ATXN2: variants seen among roughly 807,000 people sequenced by gnomAD.
The protein encoded by ATXN2 is ataxin-2.
ATXN2 carries 37 observed loss-of-function variants against 138.6 expected under a neutral mutation model. The ratio of observed to expected loss-of-function variants is 0.27; its 90% confidence interval spans 0.21 to 0.35. The LOEUF is 0.35. ATXN2 is among the 10% of genes least tolerant of loss of function. The probability of loss-of-function intolerance (pLI) is 1.00; values close to 1 mark genes in which losing one functional copy is unlikely to be tolerated. For missense variants in ATXN2, 1,216 were observed against 1,480.3 expected, an observed-to-expected ratio of 0.82 and a Z score of 2.93; for synonymous variants, 549 against 543.7, an observed-to-expected ratio of 1.01 and a Z score of -0.13.
At chr12:111,520,779 A>T in intron 7 of ATXN2, 103 bp downstream of exon 7, 1 of 637,604 alleles carries the variant, frequency 1.6e-6, no homozygotes, top group Non-Finnish European at 2.5e-6. Context: ...TATTTCATGT[A>T]ATTGTTTAAC....
At chr12:111,562,720 CAA>C (rs34625134) in intron 1 of ATXN2, among the ~76,000 whole-genome samples, 998 of 55,944 alleles carry the variant, frequency 0.018, 11 homozygotes, top group African/African-American at 0.049. Flanking sequence ...AACTCCATCT[CAA>C]AAAAAAAAAA....
chr12:111,563,193 G>C (rs1163449079), intron 1 of ATXN2, among the ~76,000 whole-genome samples: 1 of 152,032 alleles, frequency 6.6e-6, no homozygotes, highest in African/African-American at 2.4e-5. Context: ...AAACTGCTTT[G>C]GATTAAAGGA....
chr12:111,525,510 C>G (rs1016375229), intron 5 of ATXN2, among the ~76,000 whole-genome samples, 194 bp from the exon 6 acceptor site: 2 of 152,068 alleles, frequency 1.3e-5, no homozygotes, highest in Non-Finnish European at 2.9e-5. Context: ...GACCAATGCA[C>G]TATAATAAAG....
intron 14 of ATXN2, among the ~76,000 whole-genome samples, chr12:111,507,860 C>T (rs201587601): frequency 3.3e-5 from 5 of 152,216 alleles, no homozygotes; most frequent in Non-Finnish European, 5.9e-5. Flanking sequence ...TATGACCTTA[C>T]CCCCAACCCT....
At chr12:111,510,830 G>A (rs1209091726) in intron 11 of ATXN2, 4 of 280,432 alleles carry the variant, frequency 1.4e-5, no homozygotes, top group Non-Finnish European at 2.7e-5. Context: ...TGTATCAAGT[G>A]ATTCTCCTGC....
At chr12:111,517,236 CTT>C (rs1487650720) in intron 9 of ATXN2, among the ~76,000 whole-genome samples, 3 of 152,112 alleles carry the variant, frequency 2.0e-5, no homozygotes, top group Non-Finnish European at 2.9e-5. Flanking sequence ...GTTCCACACA[CTT>C]AAGTATCATA....
At chr12:111,509,770 T>TAC (rs1879392962) in intron 13 of ATXN2, 121 bp downstream of exon 13, 1 of 950,658 alleles carries the variant, frequency 1.1e-6, no homozygotes, top group African/African-American at 1.7e-5. Flanking sequence ...TGTCAAGCAA[T>TAC]ACATTTATCT....
intron 1 of ATXN2, among the ~76,000 whole-genome samples, chr12:111,590,948 G>A (rs1884627029): frequency 6.6e-6 from 1 of 151,802 alleles, no homozygotes; most frequent in Admixed American, 6.6e-5. Context: ...AAGTACAGTG[G>A]TGCTATCTCA....
chr12:111,470,855 GC>G, intron 18 of ATXN2, 113 bp from the exon 19 acceptor site: 1 of 1,122,546 alleles, frequency 8.9e-7, no homozygotes, highest in Non-Finnish European at 1.3e-6. Flanking sequence ...CGTCTCTGAT[GC>G]CATCTCATAC....
intron 14 of ATXN2, among the ~76,000 whole-genome samples, chr12:111,507,222 C>T (rs1411923452): frequency 4.0e-5 from 6 of 151,296 alleles, no homozygotes; most frequent in East Asian, 2.0e-4. Flanking sequence ...AAGTGAGGAG[C>T]GTCTCTGCCC....
chr12:111,503,464 G>GC (rs1437277660), intron 14 of ATXN2, among the ~76,000 whole-genome samples: 3 of 152,018 alleles, frequency 2.0e-5, no homozygotes, highest in Non-Finnish European at 4.4e-5. Context: ...ATGAAGAACA[G>GC]CATCTGGTAC....
intron 5 of ATXN2, among the ~76,000 whole-genome samples, chr12:111,532,077 G>A (rs112391015): frequency 1.3e-5 from 2 of 152,346 alleles, no homozygotes; most frequent in African/African-American, 4.8e-5. Flanking sequence ...GAAGCCTGGT[G>A]CAGTGGCACA....
intron 14 of ATXN2, among the ~76,000 whole-genome samples, chr12:111,495,308 C>CAAAA (rs374203441): frequency 1.7e-5 from 1 of 60,374 alleles, no homozygotes. Context: ...AACTCTGTCT[C>CAAAA]AAAAAAAAAA....
intron 1 of ATXN2, among the ~76,000 whole-genome samples, chr12:111,595,271 C>A (rs1884877092): frequency 6.6e-6 from 1 of 152,164 alleles, no homozygotes; most frequent in Non-Finnish European, 1.5e-5. Context: ...AAGCAAAAAG[C>A]TATTTAAAAA....
At chr12:111,546,092 A>G (rs1437122343) in intron 5 of ATXN2, among the ~76,000 whole-genome samples, 4 of 152,230 alleles carry the variant, frequency 2.6e-5, no homozygotes, top group African/African-American at 9.6e-5. Flanking sequence ...TAAATGTGAC[A>G]AAGAATCTGT....
chr12:111,595,561 G>C (rs1204786217), intron 1 of ATXN2, among the ~76,000 whole-genome samples: 1 of 150,644 alleles, frequency 6.6e-6, no homozygotes, highest in Non-Finnish European at 1.5e-5. Flanking sequence ...AGAATCGCTT[G>C]AACCCAGGAG....
intron 1 of ATXN2, among the ~76,000 whole-genome samples, chr12:111,563,749 A>G (rs1882828865): frequency 6.6e-6 from 1 of 152,166 alleles, no homozygotes; most frequent in African/African-American, 2.4e-5. Flanking sequence ...ACTATAAGTG[A>G]TGTGATTTGT....
rs1403072869 is a variant in ATXN2, at chr12:111,563,765, CTATT to C, written c.252-7850_252-7847del. Among the ~76,000 whole-genome samples the C allele has an allele frequency of 5.3e-5, 8 of 152,280 alleles. No individual in the cohort carries two copies. In the East Asian group the frequency reaches 5.8e-4, roughly 11 times the overall value. Reference sequence around the variant, plus strand: ...CTATAAGTGATGTGATTTGTTAACTCTATTTAATGCATTGTCCAAGGCATTTTTT... The same window carrying C: ...CTATAAGTGATGTGATTTGTTAACTCTAATGCATTGTCCAAGGCATTTTTT... On this transcript the variant is annotated intron_variant, in intron 1 of 24. Coordinates refer to ENST00000673436, the MANE Select transcript of ATXN2 (RefSeq NM_001372574.1).
At chr12:111,588,991 C>CAA (rs58116265) in intron 1 of ATXN2, among the ~76,000 whole-genome samples, 687 of 38,686 alleles carry the variant, frequency 0.018, 122 homozygotes, top group South Asian at 0.054. Flanking sequence ...CGAGATTTCT[C>CAA]AAAAAAAAAA....
Sources: gnomAD v4.1 joint callset for allele counts (sites outside exome capture counted in the v4.1 genomes callset) on GRCh38, gnomAD v4.1.1 for gene constraint, MANE v1.5 for transcripts, NCBI Gene and HGNC (gene_info 2026-07-23, HGNC 2026-07-21) for gene names.